Variants in SGCZ observed in about 807,000 individuals in gnomAD.
SGCZ encodes the protein sarcoglycan zeta.
In SGCZ, 40 loss-of-function variants were observed where a neutral mutation model predicts 41.3. That is an observed-to-expected ratio of 0.97 (90% confidence interval 0.75 to 1.26). The LOEUF is 1.26. Ranked by LOEUF, SGCZ falls within the 50% of genes most tolerant of loss-of-function variation. The pLI is 0.00. For missense variants in SGCZ, 552 were observed against 369.8 expected (o/e 1.49, Z -4.04); for synonymous variants, 206 against 137.5 (o/e 1.50, Z -3.49).
At chr8:14,238,437 T>C (rs1237084791) in intron 3 of SGCZ, among the ~76,000 whole-genome samples, 1 of 152,204 alleles carries the variant, frequency 6.6e-6, no homozygotes, top group African/African-American at 2.4e-5. Context: ...CATACAAGGA[T>C]TTCACAAGGA....
chr8:14,552,895 C>A (rs1186135818), intron 2 of SGCZ, among the ~76,000 whole-genome samples: 1 of 152,016 alleles, frequency 6.6e-6, no homozygotes, highest in African/African-American at 2.4e-5. Context: ...AATCAATGCT[C>A]CCTGAAGTGA....
intron 1 of SGCZ, among the ~76,000 whole-genome samples, chr8:14,705,679 C>A (rs1809310133): frequency 6.6e-6 from 1 of 152,012 alleles, no homozygotes; most frequent in African/African-American, 2.4e-5. Context: ...TCATTGATGT[C>A]TTCAGATTAC....
At chr8:14,555,498 T>C (rs897587098) in intron 1 of SGCZ, among the ~76,000 whole-genome samples, 1 of 152,054 alleles carries the variant, frequency 6.6e-6, no homozygotes, top group African/African-American at 2.4e-5. Context: ...CCTTCCACCA[T>C]GATTGTAAGT....
At chr8:14,719,394 G>A in intron 1 of SGCZ, among the ~76,000 whole-genome samples, 1 of 150,286 alleles carries the variant, frequency 6.7e-6, no homozygotes, top group South Asian at 2.1e-4. Context: ...GGGTCAAATG[G>A]TATTTCTAGT....
intron 1 of SGCZ, among the ~76,000 whole-genome samples, chr8:14,942,913 C>G (rs964405477): frequency 2.6e-5 from 4 of 152,064 alleles, no homozygotes; most frequent in Admixed American, 2.6e-4. Context: ...TGACAGTAGG[C>G]TATATTGCTA....
intron 1 of SGCZ, among the ~76,000 whole-genome samples, chr8:14,952,902 A>C (rs1483552870): frequency 6.6e-6 from 1 of 152,194 alleles, no homozygotes; most frequent in African/African-American, 2.4e-5. Flanking sequence ...TGGAGAAAAC[A>C]GAGGCACTTG....
rs552121993 is a variant in SGCZ at position 14,417,119 on chromosome 8, G to C, written c.235-92915C>G. On this transcript the variant is annotated intron_variant, in intron 2 of 7. Coordinates refer to ENST00000382080, the MANE Select transcript of SGCZ (RefSeq NM_139167.4). ...TCTATGCTCAACCTGTTTCTTAGCT[G>C]TAAGAGCCCGTCTTAGAGACTTCTT... 1.6e-3 allele frequency among the ~76,000 whole-genome samples: 243 copies of C among 151,928 alleles called. 2 individuals carry two copies. The highest frequency in any genetic ancestry group is 5.1e-3 in the African/African-American group (211 of 41,526).
chr8:14,920,571 T>C (rs1323941141), intron 1 of SGCZ, among the ~76,000 whole-genome samples: 1 of 151,792 alleles, frequency 6.6e-6, no homozygotes, highest in Non-Finnish European at 1.5e-5. Flanking sequence ...AAAGATGAAT[T>C]TGAGGAAAAA....
intron 1 of SGCZ, among the ~76,000 whole-genome samples, chr8:15,030,868 G>C (rs564155242): frequency 1.6e-4 from 24 of 152,134 alleles, no homozygotes; most frequent in African/African-American, 1.2e-4. Context: ...GAGAGTTAGA[G>C]TTAGCCACTT....
chr8:14,501,834 G>A (rs1433091022), intron 2 of SGCZ, among the ~76,000 whole-genome samples: 2 of 151,862 alleles, frequency 1.3e-5, no homozygotes, highest in East Asian at 1.9e-4. Context: ...ATAATAGGAT[G>A]AGGTAAGTGA....
chr8:14,206,111 A>G (rs1250423874), intron 4 of SGCZ, among the ~76,000 whole-genome samples: 6 of 152,140 alleles, frequency 3.9e-5, no homozygotes, highest in African/African-American at 4.8e-5. Flanking sequence ...ATTTTGATGT[A>G]CAAATAATTT....
intron 2 of SGCZ, among the ~76,000 whole-genome samples, chr8:14,398,942 C>CTTTTCT (rs1798995278): frequency 6.6e-6 from 1 of 151,970 alleles, no homozygotes; most frequent in Admixed American, 6.6e-5. Context: ...TTACAATTTT[C>CTTTTCT]TTTTCTTTTT....
intron 1 of SGCZ, among the ~76,000 whole-genome samples, chr8:15,081,005 G>A (rs1179836531): frequency 1.3e-5 from 2 of 152,074 alleles, no homozygotes; most frequent in African/African-American, 4.8e-5. Context: ...AAGCAGAGAG[G>A]CCTCAGCAGA....
intron 1 of SGCZ, among the ~76,000 whole-genome samples, chr8:14,684,302 A>G (rs1433099664): frequency 6.6e-6 from 1 of 152,214 alleles, no homozygotes; most frequent in Non-Finnish European, 1.5e-5. Context: ...AGTATTAAAT[A>G]AGACAATCAA....
At chr8:15,200,376 C>A (rs1006694547) in intron 1 of SGCZ, among the ~76,000 whole-genome samples, 21 of 152,138 alleles carry the variant, frequency 1.4e-4, no homozygotes, top group African/African-American at 4.8e-4. Flanking sequence ...ATGTTCCAGG[C>A]CATCACTGGT....
intron 1 of SGCZ, among the ~76,000 whole-genome samples, chr8:14,582,958 G>C (rs1032302376): frequency 2.0e-5 from 3 of 151,782 alleles, no homozygotes; most frequent in Admixed American, 6.6e-5. Flanking sequence ...GAATAGTGCC[G>C]CAATAAAAAT....
At chr8:14,679,137 G>A (rs1050703712) in intron 1 of SGCZ, among the ~76,000 whole-genome samples, 3 of 152,112 alleles carry the variant, frequency 2.0e-5, no homozygotes, top group African/African-American at 7.2e-5. Context: ...CTACTGCACT[G>A]CCAGTCATAT....
intron 1 of SGCZ, among the ~76,000 whole-genome samples, chr8:14,762,094 C>A (rs1460731097): frequency 1.3e-5 from 2 of 152,108 alleles, no homozygotes; most frequent in African/African-American, 4.8e-5. Context: ...ACTCTGAAAG[C>A]CCCTTTTTTT....
At chr8:14,785,360 C>T (rs1326064951) in intron 1 of SGCZ, among the ~76,000 whole-genome samples, 1 of 151,998 alleles carries the variant, frequency 6.6e-6, no homozygotes, top group Non-Finnish European at 1.5e-5. Flanking sequence ...AAAAATAAAA[C>T]ACAGATGGAA....
Sources: gnomAD v4.1 joint callset for allele counts (sites outside exome capture counted in the v4.1 genomes callset) on GRCh38, gnomAD v4.1.1 for gene constraint, MANE v1.5 for transcripts, NCBI Gene and HGNC (gene_info 2026-07-23, HGNC 2026-07-21) for gene names.